The following PDZD2 variants were observed in gnomAD, a reference collection of about 807,000 sequenced individuals.
PDZD2 encodes PDZ domain containing 2, also known as PDZ domain-containing protein 2.
A neutral mutation model predicts 220.7 loss-of-function variants in PDZD2; 90 were observed. That is an observed-to-expected ratio of 0.41 (90% CI 0.34 to 0.49). PDZD2 has a LOEUF of 0.49. PDZD2 is among the 20% of genes least tolerant of loss of function. The probability of loss-of-function intolerance (pLI) is 0.28; values close to 1 mark genes in which losing one functional copy is unlikely to be tolerated. For missense variants in PDZD2, 3,174 were observed against 3,608.5 expected, an observed-to-expected ratio of 0.88 and a Z score of 3.08; for synonymous variants, 1,375 against 1,450.5, an observed-to-expected ratio of 0.95 and a Z score of 1.18.
intron 1 of PDZD2, among the ~76,000 whole-genome samples, chr5:31,790,265 T>G (rs940617303): frequency 2.0e-5 from 3 of 151,954 alleles, no homozygotes; most frequent in Non-Finnish European, 2.9e-5. Flanking sequence ...GCCCAGCTAA[T>G]TTTTGTATTT....
intron 3 of PDZD2, among the ~76,000 whole-genome samples, chr5:31,993,709 T>C (rs1751413505): frequency 6.6e-6 from 1 of 152,224 alleles, no homozygotes; most frequent in African/African-American, 2.4e-5. Context: ...TCATATGTCA[T>C]TTGTTTCATA....
At chr5:31,703,654 G>A (rs1747691401) in intron 1 of PDZD2, among the ~76,000 whole-genome samples, 1 of 152,046 alleles carries the variant, frequency 6.6e-6, no homozygotes, top group African/African-American at 2.4e-5. Context: ...AAAAAGAAAT[G>A]TGTCCCTCTG....
intron 2 of PDZD2, among the ~76,000 whole-genome samples, chr5:31,841,208 TACACAC>T (rs10584079): frequency 1.3e-5 from 2 of 150,876 alleles, no homozygotes; most frequent in Non-Finnish European, 3.0e-5. Flanking sequence ...TGCACATGTG[TACACAC>T]ACACACACAC....
intron 1 of PDZD2, among the ~76,000 whole-genome samples, chr5:31,735,215 G>C (rs961174700): frequency 6.6e-6 from 1 of 152,202 alleles, no homozygotes. Flanking sequence ...TGGTGGGTTG[G>C]AGGGATGAGC....
chr5:31,967,814 G>C (rs1441310257), intron 2 of PDZD2, among the ~76,000 whole-genome samples: 3 of 152,204 alleles, frequency 2.0e-5, no homozygotes, highest in Non-Finnish European at 4.4e-5. Flanking sequence ...AGCCCCCTGT[G>C]ATAGGAAATA....
intron 2 of PDZD2, among the ~76,000 whole-genome samples, chr5:31,905,563 C>T (rs1221903816): frequency 6.6e-6 from 1 of 152,228 alleles, no homozygotes; most frequent in African/African-American, 2.4e-5. Context: ...TCCAACCCAG[C>T]AGACCCCTGG....
At chr5:31,769,426 T>C (rs1752215809) in intron 1 of PDZD2, among the ~76,000 whole-genome samples, 1 of 152,208 alleles carries the variant, frequency 6.6e-6, no homozygotes, top group Non-Finnish European at 1.5e-5. Flanking sequence ...AGCAAATGTT[T>C]CCCGATTACG....
intron 13 of PDZD2, among the ~76,000 whole-genome samples, chr5:32,059,951 T>A (rs530882505): frequency 6.6e-6 from 1 of 152,314 alleles, no homozygotes; most frequent in African/African-American, 2.4e-5. Flanking sequence ...AGGTGTTCTA[T>A]TATATAGAAA....
intron 2 of PDZD2, among the ~76,000 whole-genome samples, chr5:31,838,816 G>A (rs62360835): frequency 0.085 from 12,963 of 152,244 alleles, 714 homozygotes; most frequent in Middle Eastern, 0.14. Context: ...ATTCCCAAGA[G>A]GCCAGGTCTG....
chr5:31,710,822 A>C (rs452803), intron 1 of PDZD2, among the ~76,000 whole-genome samples: 33,528 of 150,606 alleles, frequency 0.22, 4,002 homozygotes, highest in East Asian at 0.38. Flanking sequence ...GTCTTGAAAA[A>C]AAAAAAAAAA....
chr5:31,750,227 C>T (rs1011346201), intron 1 of PDZD2, among the ~76,000 whole-genome samples: 5 of 152,106 alleles, frequency 3.3e-5, no homozygotes, highest in Non-Finnish European at 7.4e-5. Flanking sequence ...TGAGAAAGTC[C>T]TCACTCTTGT....
intron 2 of PDZD2, among the ~76,000 whole-genome samples, chr5:31,915,450 T>G (rs1328539072): frequency 6.6e-6 from 1 of 152,158 alleles, no homozygotes; most frequent in Non-Finnish European, 1.5e-5. Context: ...GGCTCTTGAC[T>G]GAAAGAACCA....
At chr5:31,850,237 T>TAC (rs1757968273) in intron 2 of PDZD2, among the ~76,000 whole-genome samples, 1 of 99,100 alleles carries the variant, frequency 1.0e-5, no homozygotes, top group Non-Finnish European at 2.2e-5. Context: ...TATATATATA[T>TAC]ATATATACAC....
In PDZD2 at chr5:31,799,710, T is replaced by G. The variant is rs756551910; in HGVS notation, c.462T>G (p.Asp154Glu). The change falls in exon 2 of 25, where the codon GAT (aspartate) becomes GAG (glutamate). Residue 154 changes from aspartate to glutamate, a missense_variant. Physicochemically the swap from Asp to Glu is conservative, Grantham distance 45 (BLOSUM62 2). This residue lies in a region of PDZD2 where 632 missense variants were observed against 708.1 expected (regional missense o/e 0.89). Coordinates refer to ENST00000438447, the MANE Select transcript of PDZD2 (RefSeq NM_178140.4). ...ATGGGCAGCTGATGGTTGGAGTTGA[T>G]GTCAGTGGGGCCAGGTAAGTAGGGG... ...SLNGQLMVGV[D>E]VSGASYLAEQ... 1 of 1,612,278 alleles carries G rather than the reference T, an allele frequency of 6.2e-7. No homozygotes were observed. The highest frequency in any genetic ancestry group is 8.5e-7 in the Non-Finnish European group (1 of 1,178,552).
At chr5:31,690,842 T>G (rs556172577) in intron 1 of PDZD2, among the ~76,000 whole-genome samples, 4 of 152,364 alleles carry the variant, frequency 2.6e-5, no homozygotes, top group African/African-American at 9.6e-5. Flanking sequence ...ACATATTTTT[T>G]TGGGGGGCCA....
At chr5:31,755,932 C>T (rs1751282090) in intron 1 of PDZD2, among the ~76,000 whole-genome samples, 1 of 152,022 alleles carries the variant, frequency 6.6e-6, no homozygotes, top group Non-Finnish European at 1.5e-5. Context: ...CAACAGCCCT[C>T]ATTGACTCCA....
intron 2 of PDZD2, among the ~76,000 whole-genome samples, chr5:31,907,433 T>C (rs538193077): frequency 8.1e-4 from 124 of 152,324 alleles, no homozygotes; most frequent in African/African-American, 2.9e-3. Flanking sequence ...CCTTATCACA[T>C]TGGGGATTAG....
chr5:32,086,452 G>A (rs757763860), intron 19 of PDZD2, among the ~76,000 whole-genome samples: 3 of 152,124 alleles, frequency 2.0e-5, no homozygotes, highest in Admixed American at 1.3e-4. Context: ...CACATCAAAT[G>A]TATCATTTCT....
intron 2 of PDZD2, among the ~76,000 whole-genome samples, chr5:31,841,401 A>G (rs887703879): frequency 5.3e-5 from 8 of 152,232 alleles, no homozygotes; most frequent in South Asian, 2.1e-4. Flanking sequence ...TCAGCCAGGC[A>G]TGGTGGCTCA....
Sources: allele counts gnomAD v4.1 joint callset (sites outside exome capture counted in the v4.1 genomes callset), GRCh38; gene constraint gnomAD v4.1.1; regional missense constraint gnomAD v4.1.1; transcripts MANE v1.5; gene names NCBI Gene and HGNC (gene_info 2026-07-23, HGNC 2026-07-21).